Variants in CATSPERE observed in about 807,000 individuals in gnomAD.
The protein encoded by CATSPERE is cation channel sperm-associated auxiliary subunit epsilon.
In CATSPERE, 93 loss-of-function variants were observed where a neutral mutation model predicts 114.1. The ratio of observed to expected loss-of-function variants is 0.81; its 90% CI spans 0.69 to 0.97. The LOEUF (loss-of-function observed/expected upper bound fraction) is 0.97. Among genes scored for constraint, CATSPERE ranks in the 50% least tolerant of loss-of-function variants. The pLI is 0.00. For synonymous variants in CATSPERE, 341 were observed against 384.1 expected (o/e 0.89, Z 1.31); for missense variants, 1,058 against 1,131.6 (o/e 0.93, Z 0.93).
intron 8 of CATSPERE, among the ~76,000 whole-genome samples, chr1:244,523,676 A>G (rs1678007988): frequency 1.5e-5 from 2 of 137,368 alleles, no homozygotes; most frequent in South Asian, 4.4e-4. Context: ...AATCACAAGC[A>G]TTCTTATACA....
chr1:244,541,219 A>C (rs1288599626), intron 8 of CATSPERE, among the ~76,000 whole-genome samples: 2 of 151,046 alleles, frequency 1.3e-5, no homozygotes, highest in Non-Finnish European at 3.0e-5. Flanking sequence ...GTGAACAGGC[A>C]ACCTACAAAA....
rs1348328063 is a variant in CATSPERE at position 244,595,464 on chromosome 1, C to T, written c.2303+1886C>T. 2.0e-5 allele frequency among the ~76,000 whole-genome samples: 3 copies of T among 152,040 alleles called. No individual in the cohort carries two copies. The East Asian group carries it at 5.8e-4, about 29-fold the overall frequency. On this transcript the variant is annotated intron_variant, in intron 17 of 21. Coordinates refer to ENST00000366534, the MANE Select transcript of CATSPERE (RefSeq NM_001130957.2). ...TAATGTTGAATTCTGCTGGGTAAGT[C>T]TTTCAAGTAAAACAGACAGTTGGAG... is the stretch of plus-strand genomic sequence containing the variant.
chr1:244,558,051 A>C (rs528027543), intron 9 of CATSPERE, among the ~76,000 whole-genome samples: 117 of 151,826 alleles, frequency 7.7e-4, no homozygotes, highest in African/African-American at 2.7e-3. Flanking sequence ...GCTGGCCTCA[A>C]GCAATTCTCG....
At chr1:244,591,536 C>A in intron 14 of CATSPERE, 145 bp from the exon 15 acceptor site, 1 of 532,164 alleles carries the variant, frequency 1.9e-6, no homozygotes, top group Non-Finnish European at 3.4e-6. Context: ...AATGCTAAGG[C>A]TACACACTAA....
chr1:244,621,321 T>TAAA (rs1558611587), intron 20 of CATSPERE, among the ~76,000 whole-genome samples: 4,824 of 19,164 alleles, frequency 0.25, 1,310 homozygotes, highest in South Asian at 0.33. Flanking sequence ...ATAAAATATA[T>TAAA]ATATATATAT....
At chr1:244,460,306 C>G (rs770440500), upstream of CATSPERE, among the ~76,000 whole-genome samples, 2 of 152,138 alleles carry the variant, frequency 1.3e-5, no homozygotes, top group Non-Finnish European at 2.9e-5. Context: ...TGCCCTAAAC[C>G]GCTCCTAAGA....
intron 20 of CATSPERE, among the ~76,000 whole-genome samples, chr1:244,619,820 A>G (rs1671864607): frequency 1.3e-5 from 2 of 152,236 alleles, no homozygotes; most frequent in African/African-American, 4.8e-5. Context: ...GGTATAATCC[A>G]TAAGGAAGAT....
Position 244,552,731 on chromosome 1 carries a change from C to A in CATSPERE, c.946C>A (p.Leu316Met), listed in dbSNP as rs754424122. 2.5e-6 allele frequency: 4 copies of A among 1,613,650 alleles called. No homozygotes were observed. In the South Asian group the frequency reaches 4.4e-5, roughly 18 times the overall value. Reference protein sequence around the residue: ...YIKSFRGFIRLGGIVNLPDGG... With the variant: ...YIKSFRGFIRMGGIVNLPDGG... ...AAAGAGTTTTCGTGGATTTATAAGA[C>A]TGGGAGGAATTGTAAATCTTCCTGA... Residue 316 changes from leucine to methionine, a missense_variant, in exon 9 of 22, where the codon CTG becomes ATG. Physicochemically the swap from Leu to Met is conservative, Grantham distance 15 (BLOSUM62 2). Around this residue, in one of 2 missense-constraint regions of CATSPERE, gnomAD observed 787 missense variants for 905.6 expected, o/e 0.87. Coordinates refer to ENST00000366534, the MANE Select transcript of CATSPERE (RefSeq NM_001130957.2).
At chr1:244,496,525 C>T (rs1284213651) in intron 6 of CATSPERE, among the ~76,000 whole-genome samples, 3 of 152,154 alleles carry the variant, frequency 2.0e-5, no homozygotes, top group African/African-American at 7.2e-5. Flanking sequence ...AGATAATTCT[C>T]TCCACTTGTC....
chr1:244,476,151 T>C (rs1669309375), intron 2 of CATSPERE, among the ~76,000 whole-genome samples: 1 of 152,086 alleles, frequency 6.6e-6, no homozygotes, highest in Non-Finnish European at 1.5e-5. Context: ...TATTGCTTAA[T>C]TTTAGGGGCC....
intron 14 of CATSPERE, among the ~76,000 whole-genome samples, chr1:244,590,705 C>A (rs146117567): frequency 6.6e-6 from 1 of 152,310 alleles, no homozygotes; most frequent in Non-Finnish European, 1.5e-5. Flanking sequence ...AACATATGAC[C>A]TTTTGTGTCC....
chr1:244,498,884 C>G (rs1053910703), intron 6 of CATSPERE, 118 bp from the exon 7 acceptor site: 1 of 647,732 alleles, frequency 1.5e-6, no homozygotes, highest in African/African-American at 1.9e-5. Context: ...GGCGACAGAG[C>G]AAGACTCCAT....
chr1:244,607,067 T>C lies in CATSPERE; in HGVS notation c.2403+1273T>C, dbSNP rs1332533923. On this transcript the variant is annotated intron_variant, in intron 18 of 21. Transcript: ENST00000366534. The surrounding 1 kb of genome is among the most constrained non-coding windows in gnomAD (Gnocchi z 4.4). ...CTTGGTCCAGACTCCCATCACTCTC[T>C]TCCTTCTCAAACCTTTCCATTATGC... is the stretch of plus-strand genomic sequence containing the variant. Among the ~76,000 whole-genome samples the C allele has an allele frequency of 6.6e-6, 1 of 152,176 alleles. No homozygotes were observed. Among genetic ancestry groups the C allele is most frequent in the African/African-American group, 2.4e-5 (1 of 41,444 alleles).
Position 244,572,380 on chromosome 1 carries a change from T to C in CATSPERE, c.1558T>C (p.Ser520Pro). The C allele has an allele frequency of 6.5e-7, 1 of 1,534,432 alleles. No homozygotes were observed. Among genetic ancestry groups the C allele is most frequent in the South Asian group, 1.1e-5 (1 of 87,152 alleles). ...AATGGAAAATAATGTAATATTTTATTCCAAGATTAATACTAGAGATGCAGT... is the reference window on the plus strand; with the variant it reads ...AATGGAAAATAATGTAATATTTTATCCCAAGATTAATACTAGAGATGCAGT... ...VKMENNVIFYSKINTRDAVKL... is the reference protein window; with the variant it reads ...VKMENNVIFYPKINTRDAVKL... The change falls in exon 11 of 22, where the codon TCC (serine) becomes CCC (proline). Residue 520 changes from serine to proline, a missense_variant. Ser to Pro is a moderately conservative substitution (Grantham distance 74). Transcript: ENST00000366534.
At chr1:244,527,573 A>G (rs1214005321) in intron 8 of CATSPERE, among the ~76,000 whole-genome samples, 1 of 152,194 alleles carries the variant, frequency 6.6e-6, no homozygotes, top group Non-Finnish European at 1.5e-5. Context: ...GAGGCAACAT[A>G]CATCCTCCTC....
At chr1:244,527,569 A>G (rs780758600) in intron 8 of CATSPERE, among the ~76,000 whole-genome samples, 1 of 152,194 alleles carries the variant, frequency 6.6e-6, no homozygotes, top group Non-Finnish European at 1.5e-5. Context: ...TCCCGAGGCA[A>G]CATACATCCT....
chr1:244,587,604 G>A (rs540833836), intron 13 of CATSPERE, among the ~76,000 whole-genome samples: 1 of 152,294 alleles, frequency 6.6e-6, no homozygotes. Flanking sequence ...CTTTAAAAAA[G>A]CAATTATGAG....
chr1:244,477,554 A>C lies in CATSPERE; in HGVS notation c.128A>C (p.Tyr43Ser). ...TTTCTTTTTTAGATTAAGTTAGAGT[A>C]TGAAGGAACATTATTTACTGAGTGG... Reference protein sequence around the residue: ...FSTRSTIKLEYEGTLFTEWSV... With the variant: ...FSTRSTIKLESEGTLFTEWSV... The change falls in exon 3 of 22, where the codon TAT (tyrosine) becomes TCT (serine). Residue 43 changes from tyrosine to serine, a missense_variant. By Grantham distance (144) the Tyr-to-Ser change is moderately radical. This residue lies in a region of CATSPERE where 271 missense variants were observed against 225.9 expected (regional missense o/e 1.20). Coordinates refer to ENST00000366534, the MANE Select transcript of CATSPERE (RefSeq NM_001130957.2). 1 of 1,590,672 alleles carries C rather than the reference A, an allele frequency of 6.3e-7. No individual in the cohort carries two copies. The highest frequency in any genetic ancestry group is 1.7e-4 in the Middle Eastern group (1 of 6,024).
chr1:244,544,817 A>C (rs74153723), intron 8 of CATSPERE, among the ~76,000 whole-genome samples: 17,806 of 152,200 alleles, frequency 0.12, 1,680 homozygotes, highest in African/African-American at 0.26. Flanking sequence ...GATGTGTTTC[A>C]TTGCTTGAGC....
Sources: allele counts gnomAD v4.1 joint callset (sites outside exome capture counted in the v4.1 genomes callset), GRCh38; gene constraint gnomAD v4.1.1; regional missense constraint gnomAD v4.1.1; non-coding constraint Gnocchi (gnomAD v3.1); transcripts MANE v1.5; gene names NCBI Gene and HGNC (gene_info 2026-07-23, HGNC 2026-07-21).